Variants in PUM1 observed in about 807,000 individuals in gnomAD.
The protein encoded by PUM1 is pumilio RNA binding family member 1, also known as pumilio homolog 1.
In PUM1, 13 loss-of-function variants were observed where a neutral mutation model predicts 131.8. The observed-to-expected ratio is 0.10, with a 90% CI of 0.06 to 0.16. The LOEUF is 0.16. Among genes scored for constraint, PUM1 ranks in the 10% least tolerant of loss-of-function variants. PUM1 has a pLI of 1.00. For missense variants in PUM1, 961 were observed against 1,512.4 expected, an observed-to-expected ratio of 0.64 and a Z score of 6.05; for synonymous variants, 509 against 556.5, an observed-to-expected ratio of 0.91 and a Z score of 1.20.
At chr1:30,969,329 A>AG (rs1195791357) in intron 10 of PUM1, among the ~76,000 whole-genome samples, 14 of 147,264 alleles carry the variant, frequency 9.5e-5, no homozygotes, top group South Asian at 2.2e-4. Flanking sequence ...AAAAAAAAAA[A>AG]AAAAAAAGAA....
chr1:31,015,252 A>G (rs528601228), intron 3 of PUM1, among the ~76,000 whole-genome samples: 5 of 152,314 alleles, frequency 3.3e-5, no homozygotes, highest in Admixed American at 2.6e-4. Flanking sequence ...AATAAATAAA[A>G]CTGAGATTAT....
chr1:30,942,317 T>A (rs1292277862), intron 18 of PUM1, among the ~76,000 whole-genome samples, 194 bp from the exon 19 acceptor site: 1 of 149,342 alleles, frequency 6.7e-6, no homozygotes, highest in Non-Finnish European at 1.5e-5. Flanking sequence ...TGTGTATCAA[T>A]AAACTCATCG....
chr1:30,946,969 ACT>A (rs1433666099), intron 17 of PUM1, among the ~76,000 whole-genome samples: 4 of 152,182 alleles, frequency 2.6e-5, no homozygotes, highest in African/African-American at 4.8e-5. Context: ...TATTATGATA[ACT>A]CTGTAAAGTA....
intron 17 of PUM1, 147 bp from the exon 18 acceptor site, chr1:30,945,630 G>A: frequency 1.2e-6 from 1 of 834,396 alleles, no homozygotes; most frequent in Non-Finnish European, 1.8e-6. Flanking sequence ...AATGACAACA[G>A]GGAAACAAAT....
At chr1:31,025,522 G>A (rs953238092) in intron 3 of PUM1, among the ~76,000 whole-genome samples, 3 of 149,184 alleles carry the variant, frequency 2.0e-5, no homozygotes, top group South Asian at 4.3e-4. Flanking sequence ...GTTTATATGG[G>A]TAAATACTGG....
chr1:31,026,965 G>T (rs547771973), intron 3 of PUM1, among the ~76,000 whole-genome samples: 3 of 145,254 alleles, frequency 2.1e-5, no homozygotes, highest in Admixed American at 6.8e-5. Context: ...AAAAAAAGGC[G>T]TTTCTGGAAG....
intron 9 of PUM1, among the ~76,000 whole-genome samples, 153 bp downstream of exon 9, chr1:30,979,909 C>T (rs1486572887): frequency 6.6e-6 from 1 of 152,156 alleles, no homozygotes; most frequent in East Asian, 1.9e-4. Flanking sequence ...GATACAGCTA[C>T]GGAGAGATAT....
At chr1:30,939,097 C>CA (rs1215152021) in intron 20 of PUM1, among the ~76,000 whole-genome samples, 1 of 152,160 alleles carries the variant, frequency 6.6e-6, no homozygotes, top group African/African-American at 2.4e-5. Flanking sequence ...ATAACTGGGT[C>CA]ATTTTAGACT....
At chr1:30,935,386 C>T (rs1639162784) in intron 21 of PUM1, among the ~76,000 whole-genome samples, 1 of 152,220 alleles carries the variant, frequency 6.6e-6, no homozygotes, top group South Asian at 2.1e-4. Flanking sequence ...TCCTGGACAA[C>T]CCTTTCCCCT....
intron 21 of PUM1, among the ~76,000 whole-genome samples, 167 bp downstream of exon 21, chr1:30,936,476 T>C (rs1639214649): frequency 6.6e-6 from 1 of 152,138 alleles, no homozygotes; most frequent in Non-Finnish European, 1.5e-5. Context: ...TTGGCAAATG[T>C]GTAAGGACAA....
chr1:30,952,683 C>CGGGGGG (rs1233416238), intron 15 of PUM1, among the ~76,000 whole-genome samples: 2 of 41,826 alleles, frequency 4.8e-5, no homozygotes, highest in Non-Finnish European at 4.3e-5. Context: ...GCGGGGGGGG[C>CGGGGGG]GGGGGGGGGG....
In PUM1 at chr1:30,950,198, C is replaced by T; in HGVS notation, c.2785G>A (p.Ala929Thr). The stretch of plus-strand genomic sequence containing the variant: ...ACACGGCAGCCATACATCTGTAGTG[C>T]CAATGACAGGACGTGGCCTCGAATC... Reference protein sequence around the residue: ...ERIRGHVLSLALQMYGCRVIQ... With the variant: ...ERIRGHVLSLTLQMYGCRVIQ... Residue 929 changes from alanine to threonine, a missense_variant, in exon 17 of 22, where the codon GCA (alanine) becomes ACA (threonine). This residue lies in a region of PUM1 where 12 missense variants were observed against 60.3 expected (regional missense o/e 0.20). Coordinates refer to ENST00000426105, the MANE Select transcript of PUM1 (RefSeq NM_001020658.2). The T allele has an allele frequency of 6.2e-7, 1 of 1,614,084 alleles. No homozygotes were observed. Among genetic ancestry groups the T allele is most frequent in the Non-Finnish European group, 8.5e-7 (1 of 1,179,958 alleles).
intron 3 of PUM1, among the ~76,000 whole-genome samples, chr1:31,025,908 A>G (rs1643204655): frequency 2.0e-5 from 3 of 152,158 alleles, no homozygotes; most frequent in South Asian, 4.1e-4. Flanking sequence ...TATTGCTAAA[A>G]AGGAAGAAAA....
chr1:30,991,962 G>GT (rs1641809786), intron 7 of PUM1, among the ~76,000 whole-genome samples: 1 of 152,230 alleles, frequency 6.6e-6, no homozygotes, highest in Non-Finnish European at 1.5e-5. Context: ...TTGTTTAACT[G>GT]TAAGACACAA....
chr1:31,046,023 A>G (rs1308828919), intron 2 of PUM1, among the ~76,000 whole-genome samples: 3 of 150,118 alleles, frequency 2.0e-5, no homozygotes, highest in South Asian at 2.1e-4. Flanking sequence ...TGGAGATTGC[A>G]GTGAGCCGAG....
At chr1:30,949,983 A>T in intron 17 of PUM1, 144 bp downstream of exon 17, 1 of 858,472 alleles carries the variant, frequency 1.2e-6, no homozygotes, top group Non-Finnish European at 1.7e-6. Context: ...TGCACAGTTC[A>T]TGCTTGCCAT....
At chr1:31,001,529 T>A (rs1391007537) in intron 5 of PUM1, among the ~76,000 whole-genome samples, 1 of 152,132 alleles carries the variant, frequency 6.6e-6, no homozygotes, top group Non-Finnish European at 1.5e-5. Flanking sequence ...AGCTAAAAAT[T>A]GAAATTAGAA....
At chr1:30,990,512 A>T (rs549181086) in intron 7 of PUM1, among the ~76,000 whole-genome samples, 1 of 152,342 alleles carries the variant, frequency 6.6e-6, no homozygotes, top group South Asian at 2.1e-4. Context: ...AGGATAAGGG[A>T]TAAAATGTAA....
chr1:31,015,091 A>G (rs558279959), intron 3 of PUM1, among the ~76,000 whole-genome samples: 5 of 152,340 alleles, frequency 3.3e-5, no homozygotes, highest in African/African-American at 1.2e-4. Flanking sequence ...ACAAAATTGT[A>G]CATGTAAAGA....
Sources: gnomAD v4.1 joint callset for allele counts (sites outside exome capture counted in the v4.1 genomes callset) on GRCh38, gnomAD v4.1.1 for gene constraint, gnomAD v4.1.1 regional missense constraint, MANE v1.5 for transcripts, NCBI Gene and HGNC (gene_info 2026-07-23, HGNC 2026-07-21) for gene names.